Variants in WWOX observed in about 807,000 individuals in gnomAD.
WWOX encodes WW domain containing oxidoreductase, also known as WW domain-containing oxidoreductase.
Under a neutral mutation model 46.2 loss-of-function variants are expected in WWOX, and 69 were observed. The ratio of observed to expected loss-of-function variants is 1.49; its 90% confidence interval spans 1.23 to 1.82. The LOEUF is 1.82. Among genes scored for constraint, WWOX ranks in the 40% most tolerant of loss-of-function variants. WWOX has a pLI of 0.00. For synonymous variants in WWOX, 359 were observed against 202.6 expected (o/e 1.77, Z -6.56); for missense variants, 919 against 542.6 (o/e 1.69, Z -6.89).
chr16:78,670,054 G>A (rs2142199769), intron 8 of WWOX, among the ~76,000 whole-genome samples: 1 of 152,226 alleles, frequency 6.6e-6, no homozygotes, highest in East Asian at 1.9e-4. Flanking sequence ...GGAATGAATG[G>A]TGGCCAAGAA....
chr16:79,006,764 C>G (rs1344455098), intron 8 of WWOX, among the ~76,000 whole-genome samples: 2 of 152,122 alleles, frequency 1.3e-5, no homozygotes, highest in African/African-American at 4.8e-5. Context: ...GGTTGCCCAT[C>G]TTCATGGACT....
chr16:78,506,263 G>A (rs2085201629), intron 8 of WWOX, among the ~76,000 whole-genome samples: 1 of 152,210 alleles, frequency 6.6e-6, no homozygotes, highest in South Asian at 2.1e-4. Flanking sequence ...AAGAGTCCAA[G>A]CGTGTTTTTG....
chr16:79,153,226 A>G (rs2050315804), intron 8 of WWOX, among the ~76,000 whole-genome samples: 1 of 152,138 alleles, frequency 6.6e-6, no homozygotes, highest in African/African-American at 2.4e-5. Flanking sequence ...TGGCTTGCGA[A>G]AAGATTCCAG....
intron 5 of WWOX, among the ~76,000 whole-genome samples, chr16:78,367,460 T>C (rs11649509): frequency 0.5 from 76,368 of 151,952 alleles, 20,905 homozygotes; most frequent in Non-Finnish European, 0.62. Context: ...TGTATTAATA[T>C]TTTATGCACA....
intron 8 of WWOX, among the ~76,000 whole-genome samples, chr16:78,448,004 A>G (rs897999710): frequency 6.6e-6 from 1 of 152,086 alleles, no homozygotes; most frequent in African/African-American, 2.4e-5. Flanking sequence ...GGGTTTCACC[A>G]TACTGGCCCA....
intron 8 of WWOX, among the ~76,000 whole-genome samples, chr16:78,914,189 C>T (rs919240616): frequency 4.6e-5 from 7 of 152,156 alleles, no homozygotes; most frequent in Admixed American, 3.9e-4. Context: ...TTTTATTTCT[C>T]TGTCTAGCAC....
At chr16:78,139,082 G>A (rs1203748917) in intron 4 of WWOX, among the ~76,000 whole-genome samples, 1 of 152,004 alleles carries the variant, frequency 6.6e-6, no homozygotes, top group Non-Finnish European at 1.5e-5. Flanking sequence ...CGCATAGACA[G>A]GCTAAAGGAT....
At chr16:78,927,901 C>T (rs565394814) in intron 8 of WWOX, among the ~76,000 whole-genome samples, 5 of 152,256 alleles carry the variant, frequency 3.3e-5, no homozygotes, top group South Asian at 4.1e-4. Flanking sequence ...CAGACACTTA[C>T]ATATTCCTAG....
intron 8 of WWOX, among the ~76,000 whole-genome samples, chr16:78,451,790 T>C (rs1022901070): frequency 1.4e-4 from 21 of 151,726 alleles, no homozygotes; most frequent in Non-Finnish European, 2.2e-4. Flanking sequence ...GTCAAAGATA[T>C]TATTGATTAT....
At chr16:79,111,439 T>C (rs181877650) in intron 8 of WWOX, among the ~76,000 whole-genome samples, 2 of 152,330 alleles carry the variant, frequency 1.3e-5, no homozygotes, top group East Asian at 3.9e-4. Context: ...CACTGTTTTC[T>C]GTATTGTTTA....
intron 8 of WWOX, among the ~76,000 whole-genome samples, chr16:79,169,485 G>A (rs1276645008): frequency 1.3e-5 from 2 of 152,216 alleles, no homozygotes; most frequent in Admixed American, 1.3e-4. Context: ...AGCTGGGCCT[G>A]TAAGCCTTTT....
At chr16:78,503,499 A>G (rs955071566) in intron 8 of WWOX, among the ~76,000 whole-genome samples, 1 of 152,154 alleles carries the variant, frequency 6.6e-6, no homozygotes, top group Admixed American at 6.5e-5. Context: ...AACTAAATGC[A>G]TCTTTAATTT....
intron 4 of WWOX, among the ~76,000 whole-genome samples, chr16:78,130,944 A>G (rs771289442): frequency 6.6e-5 from 10 of 152,204 alleles, no homozygotes; most frequent in Non-Finnish European, 8.8e-5. Flanking sequence ...CCTACGTGGT[A>G]TAACCCATTA....
chr16:78,131,302 T>A (rs915850343), intron 4 of WWOX, among the ~76,000 whole-genome samples: 1 of 152,134 alleles, frequency 6.6e-6, no homozygotes, highest in Admixed American at 6.5e-5. Flanking sequence ...AGCCTCTCCC[T>A]CCTGGGCCAA....
At chr16:78,857,325 A>G (rs562040358) in intron 8 of WWOX, among the ~76,000 whole-genome samples, 29 of 152,336 alleles carry the variant, frequency 1.9e-4, no homozygotes, top group South Asian at 1.9e-3. Context: ...GTTTTTCACC[A>G]TGACATTGGC....
chr16:79,153,500 C>A (rs1173980718), intron 8 of WWOX, among the ~76,000 whole-genome samples: 1 of 152,184 alleles, frequency 6.6e-6, no homozygotes, highest in African/African-American at 2.4e-5. Flanking sequence ...GTCTAGACCC[C>A]TGGAGAACAG....
intron 8 of WWOX, among the ~76,000 whole-genome samples, chr16:78,798,586 GTT>G (rs2050804402): frequency 1.3e-5 from 1 of 79,014 alleles, no homozygotes; most frequent in Non-Finnish European, 3.2e-5. Context: ...GGTAGTTGTT[GTT>G]GGGTTTTTTT....
At chr16:79,163,266 T>A (rs2050522530) in intron 8 of WWOX, among the ~76,000 whole-genome samples, 1 of 151,978 alleles carries the variant, frequency 6.6e-6, no homozygotes, top group South Asian at 2.1e-4. Context: ...AGAAAAGAAA[T>A]AAACATTAGC....
chr16:78,852,350 C>G (rs1402334684), intron 8 of WWOX, among the ~76,000 whole-genome samples: 1 of 152,206 alleles, frequency 6.6e-6, no homozygotes, highest in Non-Finnish European at 1.5e-5. Flanking sequence ...TACATTTGGA[C>G]TTCTGCTTTG....
Sources: allele counts gnomAD v4.1 joint callset (sites outside exome capture counted in the v4.1 genomes callset), GRCh38; gene constraint gnomAD v4.1.1; transcripts MANE v1.5; gene names NCBI Gene and HGNC (gene_info 2026-07-23, HGNC 2026-07-21).